The following SLIT3 variants were observed in gnomAD, a reference collection of about 807,000 sequenced individuals.
The protein encoded by SLIT3 is slit homolog 3 protein.
A neutral mutation model predicts 184.0 loss-of-function variants in SLIT3; 68 were observed. That is an observed-to-expected ratio of 0.37 (90% CI 0.30 to 0.45). SLIT3 has a LOEUF of 0.45. Among genes scored for constraint, SLIT3 ranks in the 20% least tolerant of loss-of-function variants. The pLI is 1.00. For synonymous variants in SLIT3, 831 were observed against 828.6 expected (o/e 1.00, Z -0.05); for missense variants, 1,707 against 2,026.0 (o/e 0.84, Z 3.02).
chr5:168,722,419 T>A (rs1203640973), intron 22 of SLIT3, 92 bp from the exon 23 acceptor site: 1 of 1,120,102 alleles, frequency 8.9e-7, no homozygotes, highest in East Asian at 2.5e-5. Context: ...AGCAAATGGT[T>A]TATCTTTTCA....
chr5:169,160,673 T>C (rs1164908974), intron 4 of SLIT3, among the ~76,000 whole-genome samples: 7 of 152,208 alleles, frequency 4.6e-5, no homozygotes. Context: ...AATCAAGTGA[T>C]ACAACCCTAT....
chr5:168,872,274 G>C (rs1269573864), intron 5 of SLIT3, among the ~76,000 whole-genome samples: 1 of 152,172 alleles, frequency 6.6e-6, no homozygotes, highest in Non-Finnish European at 1.5e-5. Context: ...TGGGACACAG[G>C]GAAATTTTAG....
chr5:169,055,525 G>C (rs1440613689), intron 4 of SLIT3, among the ~76,000 whole-genome samples: 2 of 152,210 alleles, frequency 1.3e-5, no homozygotes, highest in Non-Finnish European at 2.9e-5. Context: ...GGCTTAGGGA[G>C]AGAGTTGGGC....
At chr5:169,137,580 A>G (rs1761567224) in intron 4 of SLIT3, among the ~76,000 whole-genome samples, 1 of 151,694 alleles carries the variant, frequency 6.6e-6, no homozygotes, top group Non-Finnish European at 1.5e-5. Context: ...CCCTTCATCC[A>G]CATCCCCCAA....
At chr5:168,903,785 CG>C (rs1164093396) in intron 4 of SLIT3, among the ~76,000 whole-genome samples, 2 of 148,964 alleles carry the variant, frequency 1.3e-5, no homozygotes, top group Non-Finnish European at 3.0e-5. Context: ...AGAATCATGG[CG>C]GTCCCTCCCA....
chr5:168,784,144 G>A (rs1756071789), intron 12 of SLIT3, among the ~76,000 whole-genome samples: 1 of 152,066 alleles, frequency 6.6e-6, no homozygotes, highest in South Asian at 2.1e-4. Context: ...CCAGCTTGGT[G>A]GAACACAACA....
chr5:169,265,638 C>G (rs548202704), intron 1 of SLIT3, among the ~76,000 whole-genome samples: 4 of 152,268 alleles, frequency 2.6e-5, no homozygotes, highest in Admixed American at 2.0e-4. Flanking sequence ...TTTAACTCAT[C>G]CCTAAGCTTC....
chr5:168,912,351 A>G (rs944787618), intron 4 of SLIT3, among the ~76,000 whole-genome samples: 2 of 152,200 alleles, frequency 1.3e-5, no homozygotes, highest in East Asian at 1.9e-4. Flanking sequence ...GTCAAAAGTT[A>G]TATGTGGATT....
intron 5 of SLIT3, among the ~76,000 whole-genome samples, chr5:168,854,154 C>A (rs144603290): frequency 1.7e-3 from 257 of 152,308 alleles, no homozygotes; most frequent in Non-Finnish European, 2.9e-3. Context: ...GCTTACCCAT[C>A]AGGCTATTCC....
intron 3 of SLIT3, among the ~76,000 whole-genome samples, chr5:169,237,410 C>G (rs1163293257): frequency 1.3e-5 from 2 of 152,170 alleles, no homozygotes; most frequent in East Asian, 3.8e-4. Flanking sequence ...TCGGTTCCCT[C>G]TTCTGCTCTG....
At chr5:168,873,371 C>T (rs74537978) in intron 5 of SLIT3, among the ~76,000 whole-genome samples, 5,797 of 151,730 alleles carry the variant, frequency 0.038, 200 homozygotes, top group African/African-American at 0.093. Context: ...GACTCACACT[C>T]GTAATCCCAG....
intron 4 of SLIT3, among the ~76,000 whole-genome samples, chr5:169,124,183 C>A (rs1047411059): frequency 6.6e-6 from 1 of 152,266 alleles, no homozygotes; most frequent in South Asian, 2.1e-4. Context: ...TTCCCAGGAC[C>A]CTCAGTTCTT....
At chr5:168,910,663 G>A (rs1171276630) in intron 4 of SLIT3, among the ~76,000 whole-genome samples, 1 of 151,530 alleles carries the variant, frequency 6.6e-6, no homozygotes, top group African/African-American at 2.4e-5. Flanking sequence ...GGAGAATGGC[G>A]TGAACCTGGG....
At chr5:169,069,115 C>A (rs1461150583) in intron 4 of SLIT3, among the ~76,000 whole-genome samples, 1 of 152,152 alleles carries the variant, frequency 6.6e-6, no homozygotes, top group African/African-American at 2.4e-5. Context: ...CTCAGTTAAT[C>A]CTTGCAACAA....
chr5:168,750,523 A>G (rs1424437453), intron 18 of SLIT3, among the ~76,000 whole-genome samples: 3 of 152,196 alleles, frequency 2.0e-5, no homozygotes, highest in Non-Finnish European at 4.4e-5. Context: ...GTTGGAGTCC[A>G]GGCTCTGACA....
intron 4 of SLIT3, among the ~76,000 whole-genome samples, chr5:169,097,450 A>G (rs1305509592): frequency 1.3e-5 from 2 of 152,192 alleles, no homozygotes; most frequent in Admixed American, 6.5e-5. Context: ...AGAAAAGGGA[A>G]GAAGGAAGAA....
Position 168,746,324 on chromosome 5 carries a change from GT to G in SLIT3, c.2270+1977del, listed in dbSNP as rs1298419241. Among the ~76,000 whole-genome samples the G allele has an allele frequency of 6.9e-3, 915 of 132,464 alleles. 4 individuals are homozygous for G. Among genetic ancestry groups the G allele is most frequent in the Admixed American group, 0.01 (122 of 11,748 alleles). The allele number at this position is 132,464 out of a possible 152,430, so 86.9% of individuals were successfully genotyped here. A position where few individuals can be genotyped will look rare whatever the true frequency, so the allele number is the denominator to read the frequency against. Reference sequence around the variant, plus strand: ...TGTGGTGGTGTGGGTGTGGTGGTATGTGGTGTGTGAGTGTGGTGGTGTGGGT... The same window carrying G: ...TGTGGTGGTGTGGGTGTGGTGGTATGGGTGTGTGAGTGTGGTGGTGTGGGT... On this transcript the variant is annotated intron_variant, in intron 20 of 35. Transcript: ENST00000519560.
chr5:169,105,691 A>G, intron 4 of SLIT3, among the ~76,000 whole-genome samples: 1 of 152,228 alleles, frequency 6.6e-6, no homozygotes, highest in Non-Finnish European at 1.5e-5. Flanking sequence ...CTCACTTGTA[A>G]GTGAGAACAT....
At chr5:169,188,059 G>A (rs1480819683) in intron 4 of SLIT3, among the ~76,000 whole-genome samples, 1 of 152,148 alleles carries the variant, frequency 6.6e-6, no homozygotes, top group East Asian at 1.9e-4. Flanking sequence ...CAGGGCTCAA[G>A]CGATCCCCGC....
Sources: allele counts gnomAD v4.1 joint callset (sites outside exome capture counted in the v4.1 genomes callset), GRCh38; gene constraint gnomAD v4.1.1; transcripts MANE v1.5; gene names NCBI Gene and HGNC (gene_info 2026-07-23, HGNC 2026-07-21).